Variants in F13A1 observed in about 807,000 individuals in gnomAD.
The protein encoded by F13A1 is FSF, A subunit.
Under a neutral mutation model 80.1 loss-of-function variants are expected in F13A1, and 47 were observed. The ratio of observed to expected loss-of-function variants is 0.59; its 90% confidence interval spans 0.46 to 0.75. The LOEUF (loss-of-function observed/expected upper bound fraction) is 0.75, where lower values mean the gene tolerates loss of function less well. F13A1 is among the 30% of genes least tolerant of loss of function. The pLI is 0.00. For missense variants in F13A1, 817 were observed against 930.4 expected, an observed-to-expected ratio of 0.88 and a Z score of 1.59; for synonymous variants, 349 against 344.9, an observed-to-expected ratio of 1.01 and a Z score of -0.13.
chr6:6,149,711 G>A (rs565350530), intron 14 of F13A1, among the ~76,000 whole-genome samples: 16 of 152,218 alleles, frequency 1.1e-4, no homozygotes, highest in African/African-American at 3.9e-4. Flanking sequence ...TGTTGTATAA[G>A]CCACCCAGTC....
intron 4 of F13A1, among the ~76,000 whole-genome samples, chr6:6,257,573 A>G (rs1757719526): frequency 6.6e-6 from 1 of 152,212 alleles, no homozygotes; most frequent in Non-Finnish European, 1.5e-5. Flanking sequence ...CGAAATAACA[A>G]TGACTAACAC....
intron 6 of F13A1, among the ~76,000 whole-genome samples, chr6:6,228,919 G>C (rs756164987): frequency 2.6e-5 from 4 of 152,106 alleles, no homozygotes; most frequent in Admixed American, 6.5e-5. Context: ...CTCCAGTTGT[G>C]GGGGTGGGTT....
intron 12 of F13A1, among the ~76,000 whole-genome samples, chr6:6,168,878 A>T (rs552671415): frequency 6.6e-6 from 1 of 152,278 alleles, no homozygotes; most frequent in Admixed American, 6.5e-5. Flanking sequence ...TCTGTGGAGG[A>T]ACTCTCACAC....
At position 6,181,980 on chromosome 6, in the gene F13A1, T is replaced by C; in HGVS notation, c.1459+8A>G. 1 of 1,614,136 alleles carries C rather than the reference T, an allele frequency of 6.2e-7. No homozygotes were observed. Among genetic ancestry groups the C allele is most frequent in the Non-Finnish European group, 8.5e-7 (1 of 1,179,982 alleles). On this transcript the variant is annotated splice_region_variant and intron_variant, in intron 11 of 14. Coordinates refer to ENST00000264870, the MANE Select transcript of F13A1 (RefSeq NM_000129.4). ...CAAATAAATCTTCATTCAGTGGTAGTAAATTACCTTCTTGGAATTTGTAAG... is the reference window on the plus strand; with the variant it reads ...CAAATAAATCTTCATTCAGTGGTAGCAAATTACCTTCTTGGAATTTGTAAG...
chr6:6,149,514 T>G (rs1485208789), intron 14 of F13A1, among the ~76,000 whole-genome samples: 1 of 152,188 alleles, frequency 6.6e-6, no homozygotes, highest in Non-Finnish European at 1.5e-5. Flanking sequence ...GTGGGGCTCA[T>G]GATGGGATTA....
rs764249755 is a variant in F13A1 at position 6,224,830 on chromosome 6, C to T, written c.829G>A (p.Val277Ile). Reference sequence around the variant, plus strand: ...GCATAGATATTGTCCCAGGATCCAACGAGGACACCTTCGTCATCTTTGGCA... The same window carrying T: ...GCATAGATATTGTCCCAGGATCCAATGAGGACACCTTCGTCATCTTTGGCA... ...VNAKDDEGVLVGSWDNIYAYG... is the reference protein window; with the variant it reads ...VNAKDDEGVLIGSWDNIYAYG... The change falls in exon 7 of 15, where the codon GTT becomes ATT. Residue 277 changes from valine to isoleucine, a missense_variant. Transcript: ENST00000264870. The T allele has an allele frequency of 5.6e-6, 9 of 1,613,922 alleles. No homozygotes were observed. The highest frequency in any genetic ancestry group is 4.5e-5 in the East Asian group (2 of 44,892).
At chr6:6,299,542 G>A (rs1434503750) in intron 3 of F13A1, among the ~76,000 whole-genome samples, 4 of 134,458 alleles carry the variant, frequency 3.0e-5, no homozygotes, top group East Asian at 2.1e-4. Context: ...TGATCGCATC[G>A]GCTCCTGAGG....
chr6:6,198,871 G>T (rs546061919), intron 8 of F13A1, among the ~76,000 whole-genome samples: 32 of 152,276 alleles, frequency 2.1e-4, no homozygotes, highest in African/African-American at 7.5e-4. Flanking sequence ...GTGCCATGGA[G>T]TCTCAGTGGA....
intron 6 of F13A1, among the ~76,000 whole-genome samples, chr6:6,231,273 G>A (rs917890239): frequency 2.0e-5 from 3 of 152,112 alleles, no homozygotes; most frequent in African/African-American, 7.2e-5. Flanking sequence ...TTTTACGAAT[G>A]CGAAATGCTC....
In F13A1 at chr6:6,284,875, G is replaced by T. The variant is rs74356524; in HGVS notation, c.320-18066C>A. Among the ~76,000 whole-genome samples the T allele has an allele frequency of 6.1e-4, 93 of 152,204 alleles. No homozygotes were observed. The East Asian group carries it at 0.017, about 28-fold the overall frequency. On this transcript the variant is annotated intron_variant, in intron 3 of 14. Coordinates refer to ENST00000264870, the MANE Select transcript of F13A1 (RefSeq NM_000129.4). ...CCCTTCAACTCTAGCTGATCCTCTT[G>T]CTCTTGACTGCCCAGAGTCACTTCG...
At chr6:6,207,886 A>G (rs995711446) in intron 8 of F13A1, among the ~76,000 whole-genome samples, 1 of 152,272 alleles carries the variant, frequency 6.6e-6, no homozygotes, top group African/African-American at 2.4e-5. Context: ...GAGCAGCAGC[A>G]GCAAAAACAA....
At chr6:6,253,162 A>AAGAG (rs60495036) in intron 4 of F13A1, among the ~76,000 whole-genome samples, 2 of 106,344 alleles carry the variant, frequency 1.9e-5, no homozygotes, top group African/African-American at 4.4e-5. Context: ...AAAAAAAAAA[A>AAGAG]AGAGAGAGAG....
chr6:6,311,756 A>G (rs1277858683), intron 2 of F13A1, among the ~76,000 whole-genome samples: 1 of 26,590 alleles, frequency 3.8e-5, no homozygotes, highest in Non-Finnish European at 6.9e-5. Context: ...TATATATTAC[A>G]AATATATATT....
At chr6:6,302,228 T>C (rs1387151702) in intron 3 of F13A1, among the ~76,000 whole-genome samples, 2 of 152,206 alleles carry the variant, frequency 1.3e-5, no homozygotes, top group Non-Finnish European at 2.9e-5. Flanking sequence ...GAGATAAAAC[T>C]TCCCTCATAA....
At chr6:6,252,894 C>A (rs1757652445) in intron 4 of F13A1, among the ~76,000 whole-genome samples, 1 of 152,058 alleles carries the variant, frequency 6.6e-6, no homozygotes, top group Non-Finnish European at 1.5e-5. Flanking sequence ...CGTGGTGGCT[C>A]ATGCTTGTAA....
In F13A1 at chr6:6,277,132, G is replaced by A. The variant is rs188193419; in HGVS notation, c.320-10323C>T. 5.2e-4 allele frequency among the ~76,000 whole-genome samples: 7 copies of A among 13,390 alleles called. 2 individuals are homozygous for A. Among genetic ancestry groups the A allele is most frequent in the Admixed American group, 4.0e-3 (7 of 1,738 alleles). The allele number at this position is 13,390 out of a possible 152,430, so 8.8% of individuals were successfully genotyped here. On this transcript the variant is annotated intron_variant, in intron 3 of 14. Transcript: ENST00000264870. ...TAAGACTGACACTGTGCAGGAGATC[G>A]AGACCATCCCGGCTAAAACGGTGAA...
chr6:6,225,863 C>G (rs1757269813), intron 6 of F13A1, among the ~76,000 whole-genome samples: 1 of 152,162 alleles, frequency 6.6e-6, no homozygotes, highest in African/African-American at 2.4e-5. Context: ...ATTGTTTAAA[C>G]AGATTAAAGT....
intron 4 of F13A1, among the ~76,000 whole-genome samples, chr6:6,252,053 T>C (rs1561668607): frequency 1.3e-5 from 2 of 151,302 alleles, no homozygotes; most frequent in African/African-American, 4.9e-5. Flanking sequence ...CCACAGTGGT[T>C]AAAAAAAAAT....
intron 10 of F13A1, among the ~76,000 whole-genome samples, chr6:6,189,226 TAA>T (rs1397304135): frequency 1.1e-4 from 11 of 103,416 alleles, no homozygotes; most frequent in African/African-American, 3.7e-4. Context: ...CATTTACCTT[TAA>T]AGTTAATATT....
Sources: allele counts gnomAD v4.1 joint callset (sites outside exome capture counted in the v4.1 genomes callset), GRCh38; gene constraint gnomAD v4.1.1; transcripts MANE v1.5; gene names NCBI Gene and HGNC (gene_info 2026-07-23, HGNC 2026-07-21).